RBMS3: variants seen among roughly 807,000 people sequenced by gnomAD.
RBMS3 encodes RNA-binding motif, single-stranded-interacting protein 3.
RBMS3 carries 27 observed loss-of-function variants against 66.8 expected under a neutral mutation model. That is an observed-to-expected ratio of 0.40 (90% CI 0.30 to 0.56). The LOEUF is 0.56. Ranked by LOEUF, RBMS3 falls within the 20% of genes least tolerant of loss-of-function variation. The pLI, the probability that RBMS3 is intolerant of heterozygous loss-of-function variation, is 0.40. For missense variants in RBMS3, 513 were observed against 549.5 expected (o/e 0.93, Z 0.66); for synonymous variants, 188 against 183.0 (o/e 1.03, Z -0.22).
intron 3 of RBMS3, among the ~76,000 whole-genome samples, chr3:29,507,751 A>G (rs1193543739): frequency 2.0e-5 from 3 of 152,132 alleles, no homozygotes; most frequent in African/African-American, 7.2e-5. Flanking sequence ...AAATTATATA[A>G]TTGTATCCAT....
chr3:29,409,263 G>T (rs1347193869), intron 1 of RBMS3, among the ~76,000 whole-genome samples: 1 of 152,106 alleles, frequency 6.6e-6, no homozygotes, highest in Non-Finnish European at 1.5e-5. Context: ...ACCAATTGGG[G>T]TTACTCCAGT....
At chr3:29,680,721 C>T (rs1472353665) in intron 4 of RBMS3, among the ~76,000 whole-genome samples, 1 of 152,086 alleles carries the variant, frequency 6.6e-6, no homozygotes, top group Non-Finnish European at 1.5e-5. Context: ...TTATTATATG[C>T]CCGTCACTCT....
chr3:29,925,926 C>T (rs778712959), intron 10 of RBMS3, among the ~76,000 whole-genome samples: 4 of 151,990 alleles, frequency 2.6e-5, no homozygotes, highest in East Asian at 1.9e-4. Context: ...AAAATCTAAG[C>T]GGAATAAAAC....
intron 4 of RBMS3, among the ~76,000 whole-genome samples, chr3:29,704,758 T>C (rs948174050): frequency 6.6e-6 from 1 of 152,210 alleles, no homozygotes; most frequent in Non-Finnish European, 1.5e-5. Flanking sequence ...TGAAATAATT[T>C]AAAAAATTGT....
At chr3:29,489,391 C>T (rs190433619) in intron 3 of RBMS3, among the ~76,000 whole-genome samples, 2 of 151,898 alleles carry the variant, frequency 1.3e-5, no homozygotes, top group Admixed American at 1.3e-4. Context: ...TAAAAACATT[C>T]CACGTCTTCT....
At chr3:29,778,621 C>T (rs569201871) in intron 6 of RBMS3, among the ~76,000 whole-genome samples, 1 of 151,886 alleles carries the variant, frequency 6.6e-6, no homozygotes, top group East Asian at 1.9e-4. Context: ...CTAGTAATGA[C>T]AGTAGTAAAT....
At chr3:29,354,634 C>T (rs982449490) in intron 1 of RBMS3, among the ~76,000 whole-genome samples, 1 of 152,142 alleles carries the variant, frequency 6.6e-6, no homozygotes, top group Non-Finnish European at 1.5e-5. Flanking sequence ...TCTCTAGGGG[C>T]TTTGCTGAAG....
chr3:29,437,473 G>A (rs1260952282), intron 2 of RBMS3, among the ~76,000 whole-genome samples: 1 of 152,254 alleles, frequency 6.6e-6, no homozygotes, highest in African/African-American at 2.4e-5. Context: ...AGAATATTAA[G>A]TGAACAGAGG....
intron 12 of RBMS3, among the ~76,000 whole-genome samples, chr3:29,967,339 T>C (rs564962927): frequency 6.6e-6 from 1 of 152,256 alleles, no homozygotes; most frequent in African/African-American, 2.4e-5. Context: ...TTTTTGTTTT[T>C]ATTTTTGTTT....
chr3:29,779,623 A>C (rs2056551405), intron 6 of RBMS3, among the ~76,000 whole-genome samples: 1 of 150,140 alleles, frequency 6.7e-6, no homozygotes, highest in Non-Finnish European at 1.5e-5. Flanking sequence ...TGTGGTTACA[A>C]GGAAGCTGCA....
intron 10 of RBMS3, among the ~76,000 whole-genome samples, chr3:29,916,201 CTCATATCCCTGTACTCTCTCTGATAAA>C (rs1419491819): frequency 1.3e-5 from 2 of 151,960 alleles, no homozygotes; most frequent in Admixed American, 1.3e-4. Context: ...TCTACTTTTC[CTCATATCCCTGTACTCTCTCTGATAAA>C]TCTTTCTCTC....
chr3:29,510,038 G>A (rs1169931649), intron 3 of RBMS3, among the ~76,000 whole-genome samples: 3 of 152,158 alleles, frequency 2.0e-5, no homozygotes, highest in African/African-American at 7.2e-5. Flanking sequence ...GGATAAAATT[G>A]CAGCCATTTA....
intron 3 of RBMS3, among the ~76,000 whole-genome samples, chr3:29,576,466 A>G (rs1422592913): frequency 5.3e-5 from 8 of 151,938 alleles, no homozygotes; most frequent in Admixed American, 5.2e-4. Flanking sequence ...CCCAAGGCCC[A>G]CTCTAACCAC....
chr3:29,292,943 T>G (rs1489117126), intron 1 of RBMS3, among the ~76,000 whole-genome samples: 1 of 151,864 alleles, frequency 6.6e-6, no homozygotes, highest in African/African-American at 2.4e-5. Flanking sequence ...CATAATTTGA[T>G]GTGGAGGGGT....
chr3:29,288,801 A>G (rs932125363), intron 1 of RBMS3, among the ~76,000 whole-genome samples: 1 of 152,020 alleles, frequency 6.6e-6, no homozygotes, highest in African/African-American at 2.4e-5. Context: ...ATCTCAGAAT[A>G]GTAGCCTAGA....
At chr3:29,540,030 G>A (rs2045700936) in intron 3 of RBMS3, among the ~76,000 whole-genome samples, 1 of 151,840 alleles carries the variant, frequency 6.6e-6, no homozygotes, top group Admixed American at 6.6e-5. Flanking sequence ...TTTTTTACTG[G>A]GTTTCATTCA....
chr3:29,933,050 C>T (rs1010452361), intron 10 of RBMS3, among the ~76,000 whole-genome samples: 8 of 152,164 alleles, frequency 5.3e-5, no homozygotes, highest in African/African-American at 1.7e-4. Context: ...CAAAGCCAGA[C>T]ATCCAGAGAT....
At chr3:29,911,794 G>A (rs1045957587) in intron 10 of RBMS3, among the ~76,000 whole-genome samples, 1 of 151,970 alleles carries the variant, frequency 6.6e-6, no homozygotes, top group African/African-American at 2.4e-5. Context: ...GTCTACATGA[G>A]TTTCTTTTTT....
At chr3:29,791,543 A>G (rs2057014284) in intron 6 of RBMS3, among the ~76,000 whole-genome samples, 1 of 152,130 alleles carries the variant, frequency 6.6e-6, no homozygotes, top group Admixed American at 6.5e-5. Context: ...TTTTTGAAAG[A>G]TGGCTTTGAA....
Sources: gnomAD v4.1 joint callset for allele counts (sites outside exome capture counted in the v4.1 genomes callset) on GRCh38, gnomAD v4.1.1 for gene constraint, MANE v1.5 for transcripts, NCBI Gene and HGNC (gene_info 2026-07-23, HGNC 2026-07-21) for gene names.